The following PLCG1 variants were observed in gnomAD, a reference collection of about 807,000 sequenced individuals.
The protein encoded by PLCG1 is 1-phosphatidylinositol 4,5-bisphosphate phosphodiesterase gamma-1.
In PLCG1, 71 loss-of-function variants were observed where a neutral mutation model predicts 177.8. The observed-to-expected ratio is 0.40, with a 90% CI of 0.33 to 0.49. The LOEUF (loss-of-function observed/expected upper bound fraction) is 0.49. Ranked by LOEUF, PLCG1 falls within the 20% of genes least tolerant of loss-of-function variation. The probability of loss-of-function intolerance (pLI) is 0.72; values close to 1 mark genes in which losing one functional copy is unlikely to be tolerated. For missense variants in PLCG1, 1,281 were observed against 1,709.0 expected (o/e 0.75, Z 4.42); for synonymous variants, 658 against 647.9 (o/e 1.02, Z -0.24).
Position 41,173,566 on chromosome 20 carries a change from C to G in PLCG1, c.3394+32C>G. 2.5e-6 allele frequency: 4 copies of G among 1,614,014 alleles called. No individual in the cohort carries two copies. Among genetic ancestry groups the G allele is most frequent in the Non-Finnish European group, 3.4e-6 (4 of 1,179,974 alleles). On this transcript the variant is annotated intron_variant, in intron 28 of 31. Transcript: ENST00000685551. This position sits in a 1 kb window ranked among gnomAD's most constrained non-coding sequence, Gnocchi z 6.2. Reference sequence around the variant, plus strand: ...CTGTCTTCCCAGTCATCCTCCTCATCCTGCTGGGGCACTGCAAGCCTCTCC... The same window carrying G: ...CTGTCTTCCCAGTCATCCTCCTCATGCTGCTGGGGCACTGCAAGCCTCTCC...
In PLCG1 at chr20:41,146,288, C is replaced by T. The variant is rs1276399884; in HGVS notation, c.217+8430C>T. Among the ~76,000 whole-genome samples the T allele has an allele frequency of 4.6e-5, 7 of 152,246 alleles. No homozygotes were observed. The highest frequency in any genetic ancestry group is 1.9e-4 in the East Asian group (1 of 5,206). On this transcript the variant is annotated intron_variant, in intron 1 of 31. Coordinates refer to ENST00000685551, the MANE Select transcript of PLCG1 (RefSeq NM_002660.3). The surrounding 1 kb of genome is among the most constrained non-coding windows in gnomAD (Gnocchi z 6.3). Reference sequence around the variant, plus strand: ...TTGTGATCTGGACCATGCAGAAAACCGCTAATGCCCAGGGCTGGCAGGAGA... The same window carrying T: ...TTGTGATCTGGACCATGCAGAAAACTGCTAATGCCCAGGGCTGGCAGGAGA...
In PLCG1 at chr20:41,163,456, G is replaced by A. The variant is rs2035581022; in HGVS notation, c.868G>A (p.Glu290Lys). The A allele has an allele frequency of 3.1e-6, 5 of 1,611,418 alleles. No individual in the cohort carries two copies. The South Asian group carries it at 5.5e-5, about 18-fold the overall frequency. ...CCGAGACCCCTTACGAGAGATCGAG[G>A]AGCCATACTTCTTCCTGGATGAGGT... ...FLRDPLREIE[E>K]PYFFLDEFVT... is the part of the protein sequence containing the mutation. Residue 290 changes from glutamate to lysine, a missense_variant, in exon 9 of 32, where the codon GAG becomes AAG. Around this residue, in one of 4 missense-constraint regions of PLCG1, gnomAD observed 374 missense variants for 443.8 expected, o/e 0.84. Transcript: ENST00000685551. This position sits in a 1 kb window ranked among gnomAD's most constrained non-coding sequence, Gnocchi z 5.2.
In PLCG1 at chr20:41,166,123, T is replaced by A; in HGVS notation, c.1800-71T>A. The A allele has an allele frequency of 7.4e-7, 1 of 1,356,840 alleles. No homozygotes were observed. Among genetic ancestry groups the A allele is most frequent in the Non-Finnish European group, 1.0e-6 (1 of 963,416 alleles). 84.1% of individuals were successfully genotyped at this position (1,356,840 alleles called of 1,614,324 possible). ...CTCCCTCCTTGAGTTCCACCCTCAT[T>A]TGGGGTGGAACTTGGTCTTTGGGGC... On this transcript the variant is annotated intron_variant, in intron 16 of 31. Coordinates refer to ENST00000685551, the MANE Select transcript of PLCG1 (RefSeq NM_002660.3). This position sits in a 1 kb window ranked among gnomAD's most constrained non-coding sequence, Gnocchi z 8.6.
chr20:41,172,688 G>C lies in PLCG1; in HGVS notation c.3131-41G>C. The C allele has an allele frequency of 1.2e-6, 2 of 1,612,816 alleles. No individual in the cohort carries two copies. Among genetic ancestry groups the C allele is most frequent in the Non-Finnish European group, 1.7e-6 (2 of 1,179,082 alleles). ...GAGGAGGGTGAGGAGGGGCACTGTG[G>C]GGCAGCTGGACTGGAATACACCATA... On this transcript the variant is annotated intron_variant, in intron 26 of 31. Transcript: ENST00000685551. The surrounding 1 kb of genome is among the most constrained non-coding windows in gnomAD (Gnocchi z 7.0).
At position 41,174,283 on chromosome 20, in the gene PLCG1, G is replaced by A. The variant is rs761191435; in HGVS notation, c.3805G>A (p.Ala1269Thr). The change falls in exon 31 of 32, where the codon GCA becomes ACA. Residue 1269 changes from alanine to threonine, a missense_variant. Around this residue, in one of 4 missense-constraint regions of PLCG1, gnomAD observed 153 missense variants for 153.2 expected, o/e 1.00. Coordinates refer to ENST00000685551, the MANE Select transcript of PLCG1 (RefSeq NM_002660.3). This position sits in a 1 kb window ranked among gnomAD's most constrained non-coding sequence, Gnocchi z 5.8. The stretch of plus-strand genomic sequence containing the variant: ...CTTCCGCATCTCCCAGGAGCATCTC[G>A]CAGACCATTTTGACAGTCGAGAACG... ...EDFRISQEHLADHFDSRERRA... is the reference protein window; with the variant it reads ...EDFRISQEHLTDHFDSRERRA... 2.0e-5 allele frequency: 32 copies of A among 1,614,048 alleles called. No homozygotes were observed. The highest frequency in any genetic ancestry group is 1.6e-4 in the Middle Eastern group (1 of 6,084).
rs6124323 is a variant in PLCG1, at chr20:41,165,849, G to A, written c.1799+23G>A. ...CTGGTAACACTTCCCATGCAGATGC[G>A]TATGTTCAGTCAGCGTGTGTACACA... On this transcript the variant is annotated intron_variant, in intron 16 of 31. Coordinates refer to ENST00000685551, the MANE Select transcript of PLCG1 (RefSeq NM_002660.3). The surrounding 1 kb of genome is among the most constrained non-coding windows in gnomAD (Gnocchi z 6.6). The A allele has an allele frequency of 0.51, 777,707 of 1,533,018 alleles. 203,575 individuals carry two copies. The highest frequency in any genetic ancestry group is 0.83 in the East Asian group (36,579 of 44,078). The allele number at this position is 1,533,018 out of a possible 1,614,324, so 95.0% of individuals were successfully genotyped here. A position where few individuals can be genotyped will look rare whatever the true frequency, so the allele number is the denominator to read the frequency against.
At position 41,151,585 on chromosome 20, in the gene PLCG1, T is replaced by G. The variant is rs1209392631; in HGVS notation, c.218-8021T>G. Among the ~76,000 whole-genome samples, 1 of 152,146 alleles carries G rather than the reference T, an allele frequency of 6.6e-6. No individual in the cohort carries two copies. Among genetic ancestry groups the G allele is most frequent in the Non-Finnish European group, 1.5e-5 (1 of 68,010 alleles). ...ACCTTCCTTTGGTGGCAGCCAGATG[T>G]GCTCAGGGAAACCTCAGATTTGTGA... On this transcript the variant is annotated intron_variant, in intron 1 of 31. Coordinates refer to ENST00000685551, the MANE Select transcript of PLCG1 (RefSeq NM_002660.3). The surrounding 1 kb of genome is among the most constrained non-coding windows in gnomAD (Gnocchi z 5.5).
rs1216323539 is a variant in PLCG1, at chr20:41,167,025, T to C, written c.2301+166T>C. Reference sequence around the variant, plus strand: ...ACAGTGTGGGTACCAGGAGGGTGTCTGCAGGAGGGGACATCTGAGCAGCAT... The same window carrying C: ...ACAGTGTGGGTACCAGGAGGGTGTCCGCAGGAGGGGACATCTGAGCAGCAT... On this transcript the variant is annotated intron_variant, in intron 19 of 31. Coordinates refer to ENST00000685551, the MANE Select transcript of PLCG1 (RefSeq NM_002660.3). The surrounding 1 kb of genome is among the most constrained non-coding windows in gnomAD (Gnocchi z 4.4). The C allele has an allele frequency of 1.5e-6, 1 of 650,202 alleles. No individual in the cohort carries two copies. The highest frequency in any genetic ancestry group is 2.7e-6 in the Non-Finnish European group (1 of 367,998). The allele number at this position is 650,202 out of a possible 1,614,324, so 40.3% of individuals were successfully genotyped here.
rs1568743517 is a variant in PLCG1 at position 41,162,623 on chromosome 20, CCTG to C, written c.598-16_598-14del. The C allele has an allele frequency of 3.7e-6, 6 of 1,612,490 alleles. No homozygotes were observed. Among genetic ancestry groups the C allele is most frequent in the South Asian group, 2.2e-5 (2 of 91,008 alleles). Reference sequence around the variant, plus strand: ...GGGGCCTGACTGCCTGACTGGCACTCCTGCTCTATACCATGCAGGACCTGGAGC... The same window carrying C: ...GGGGCCTGACTGCCTGACTGGCACTCCTCTATACCATGCAGGACCTGGAGC... On this transcript the variant is annotated splice_polypyrimidine_tract_variant and intron_variant, in intron 5 of 31. Transcript: ENST00000685551.
At chr20:41,168,936 G>C (rs1187919588) in intron 21 of PLCG1, 66 bp downstream of exon 21, 1 of 1,222,386 alleles carries the variant, frequency 8.2e-7, no homozygotes, top group Non-Finnish European at 1.2e-6. Context: ...CCAAAGACAT[G>C]CATTTGTGAT....
At chr20:41,171,037 AG>A (rs2035880700) in intron 24 of PLCG1, 1 of 152,346 alleles carries the variant, frequency 6.6e-6, no homozygotes, top group Admixed American at 6.5e-5. Context: ...CTTCTGGAGA[AG>A]GTGGCCTCTT....
At position 41,160,214 on chromosome 20, in the gene PLCG1, C is replaced by T. The variant is rs913817808; in HGVS notation, c.512+61C>T. On this transcript the variant is annotated intron_variant, in intron 4 of 31. Coordinates refer to ENST00000685551, the MANE Select transcript of PLCG1 (RefSeq NM_002660.3). The surrounding 1 kb of genome is among the most constrained non-coding windows in gnomAD (Gnocchi z 5.5). ...GGGGATGGGCATCCAGAACCTTAGC[C>T]AGGCCTCTAAGTAGCTGCCCGGAGA... The T allele has an allele frequency of 1.3e-5, 20 of 1,518,472 alleles. No homozygotes were observed. The African/African-American group carries it at 1.6e-4, about 12-fold the overall frequency. The allele number at this position is 1,518,472 out of a possible 1,614,324, so 94.1% of individuals were successfully genotyped here. A position where few individuals can be genotyped will look rare whatever the true frequency, so the allele number is the denominator to read the frequency against.
intron 24 of PLCG1, chr20:41,170,854 G>C (rs2146058933): frequency 6.5e-6 from 1 of 153,060 alleles, no homozygotes; most frequent in South Asian, 2.1e-4. Context: ...GCTGGCATTA[G>C]ATGGCAGTGG....
In PLCG1 at chr20:41,166,165, CA is replaced by C. The variant is rs748498877; in HGVS notation, c.1800-28del. 1.9e-5 allele frequency: 31 copies of C among 1,599,458 alleles called. No homozygotes were observed. The African/African-American group carries it at 4.0e-4, about 21-fold the overall frequency. ...CTTTGGGGCCCTGGCCTGTTTTCCC[CA>C]GCCTCCCTCACTCTGTGTCTTCCAC... On this transcript the variant is annotated intron_variant, in intron 16 of 31. Coordinates refer to ENST00000685551, the MANE Select transcript of PLCG1 (RefSeq NM_002660.3). The surrounding 1 kb of genome is among the most constrained non-coding windows in gnomAD (Gnocchi z 8.6).
intron 1 of PLCG1, among the ~76,000 whole-genome samples, chr20:41,140,813 T>C (rs2034798449): frequency 6.6e-6 from 1 of 152,224 alleles, no homozygotes; most frequent in Non-Finnish European, 1.5e-5. Flanking sequence ...AGCTGAGTGC[T>C]ATTGAGACCT....
intron 1 of PLCG1, among the ~76,000 whole-genome samples, chr20:41,155,251 A>G (rs1271611820): frequency 6.6e-6 from 1 of 152,230 alleles, no homozygotes; most frequent in South Asian, 2.1e-4. Context: ...CAAAACACAC[A>G]TGAATCTGAG....
At position 41,173,882 on chromosome 20, in the gene PLCG1, T is replaced by TGA; in HGVS notation, c.3557-40_3557-39insAG. 1.9e-6 allele frequency: 3 copies of TGA among 1,611,428 alleles called. No homozygotes were observed. The highest frequency in any genetic ancestry group is 2.5e-6 in the Non-Finnish European group (3 of 1,177,702). ...CAGGGTGGGGCTGGGCCCCTTGCTC[T>TGA]GTCCCTCGTGGGCTGAGGGCCAGGC... is the stretch of plus-strand genomic sequence containing the variant. On this transcript the variant is annotated intron_variant, in intron 29 of 31. Coordinates refer to ENST00000685551, the MANE Select transcript of PLCG1 (RefSeq NM_002660.3). This position sits in a 1 kb window ranked among gnomAD's most constrained non-coding sequence, Gnocchi z 6.2.
Position 41,157,732 on chromosome 20 carries a change from T to C in PLCG1, c.218-1874T>C, listed in dbSNP as rs1238157442. Among the ~76,000 whole-genome samples the C allele has an allele frequency of 6.6e-6, 1 of 151,902 alleles. No individual in the cohort carries two copies. The highest frequency in any genetic ancestry group is 2.4e-5 in the African/African-American group (1 of 41,344). ...TTCCAGACTAGGAATCAAGATGAAA[T>C]AGGGATGGGAAGCAACAGCTATTCT... On this transcript the variant is annotated intron_variant, in intron 1 of 31. Transcript: ENST00000685551. This position sits in a 1 kb window ranked among gnomAD's most constrained non-coding sequence, Gnocchi z 5.4.
At position 41,160,092 on chromosome 20, in the gene PLCG1, G is replaced by C; in HGVS notation, c.465-14G>C. ...GATGGAGAAGTGGCCCTCACCTCAG[G>C]CTTCTCTCTCCAGGTGGCTCCGGAA... On this transcript the variant is annotated splice_polypyrimidine_tract_variant and intron_variant, in intron 3 of 31. Transcript: ENST00000685551. The surrounding 1 kb of genome is among the most constrained non-coding windows in gnomAD (Gnocchi z 5.5). The C allele has an allele frequency of 6.2e-7, 1 of 1,614,082 alleles. No homozygotes were observed. Among genetic ancestry groups the C allele is most frequent in the Non-Finnish European group, 8.5e-7 (1 of 1,179,936 alleles).
Sources: allele counts gnomAD v4.1 joint callset (sites outside exome capture counted in the v4.1 genomes callset), GRCh38; gene constraint gnomAD v4.1.1; regional missense constraint gnomAD v4.1.1; non-coding constraint Gnocchi (gnomAD v3.1); transcripts MANE v1.5; gene names NCBI Gene and HGNC (gene_info 2026-07-23, HGNC 2026-07-21).